STOX1: variants seen among roughly 807,000 people sequenced by gnomAD.
The protein encoded by STOX1 is storkhead box 1.
In STOX1, 57 loss-of-function variants were observed where a neutral mutation model predicts 74.8. That is an observed-to-expected ratio of 0.76 (90% confidence interval 0.62 to 0.95). The LOEUF (loss-of-function observed/expected upper bound fraction) is 0.95. Ranked by LOEUF, STOX1 falls within the 40% of genes least tolerant of loss-of-function variation. The pLI is 0.00. For missense variants in STOX1, 1,010 were observed against 1,117.0 expected (o/e 0.90, Z 1.37); for synonymous variants, 375 against 401.3 (o/e 0.93, Z 0.78).
intron 1 of STOX1, among the ~76,000 whole-genome samples, chr10:68,867,315 C>G (rs528169817): frequency 2.6e-5 from 4 of 152,106 alleles, no homozygotes; most frequent in African/African-American, 9.7e-5. Context: ...TTAAACTCTT[C>G]GAGTAATTTA....
chr10:68,845,704 C>T (rs998050858), intron 1 of STOX1, among the ~76,000 whole-genome samples: 1 of 151,872 alleles, frequency 6.6e-6, no homozygotes, highest in East Asian at 1.9e-4. Flanking sequence ...TGGGTTCAAG[C>T]GATTCTTCTG....
chr10:68,842,903 A>G (rs1227816801), intron 1 of STOX1, among the ~76,000 whole-genome samples: 1 of 151,948 alleles, frequency 6.6e-6, no homozygotes, highest in Non-Finnish European at 1.5e-5. Context: ...ATTCTTTGTA[A>G]ACCAAACGAG....
In STOX1 at chr10:68,882,202, C is replaced by T. The variant is rs541402455; in HGVS notation, c.463+92C>T. The T allele has an allele frequency of 1.8e-5, 22 of 1,233,158 alleles. No homozygotes were observed. The African/African-American group carries it at 2.9e-4, about 17-fold the overall frequency. The allele number at this position is 1,233,158 out of a possible 1,614,324, so 76.4% of individuals were successfully genotyped here. ...CTTAAGCACATAAACTGGGTGATAT[C>T]CTTTTTTCCCCTCTTCTATAGAACT... On this transcript the variant is annotated intron_variant, in intron 2 of 3. Coordinates refer to ENST00000298596, the MANE Select transcript of STOX1 (RefSeq NM_152709.5).
intron 1 of STOX1, among the ~76,000 whole-genome samples, chr10:68,860,753 C>T (rs1840247798): frequency 6.6e-6 from 1 of 151,866 alleles, no homozygotes; most frequent in Non-Finnish European, 1.5e-5. Flanking sequence ...CAAGGGATCA[C>T]AATAAAATAT....
At chr10:68,860,203 C>G (rs148579488) in intron 1 of STOX1, among the ~76,000 whole-genome samples, 4 of 149,918 alleles carry the variant, frequency 2.7e-5, no homozygotes, top group African/African-American at 7.4e-5. Context: ...AGGAGGCGGA[C>G]GTTGCAGTGA....
In STOX1 at chr10:68,882,136, T is replaced by C. The variant is rs199655278; in HGVS notation, c.463+26T>C. 1,040 of 1,602,394 alleles carry C rather than the reference T, an allele frequency of 6.5e-4. 2 individuals carry two copies. Among genetic ancestry groups the C allele is most frequent in the Non-Finnish European group, 6.6e-4 (769 of 1,169,502 alleles). ...GTAGAGTAATAAATTTTTGTCTATTTGTACTTCACTGTATGTGTTTGGTTT... is the reference window on the plus strand; with the variant it reads ...GTAGAGTAATAAATTTTTGTCTATTCGTACTTCACTGTATGTGTTTGGTTT... On this transcript the variant is annotated intron_variant, in intron 2 of 3. Transcript: ENST00000298596.
At chr10:68,859,730 G>A (rs140758845) in intron 1 of STOX1, among the ~76,000 whole-genome samples, 23 of 152,090 alleles carry the variant, frequency 1.5e-4, no homozygotes, top group Admixed American at 4.6e-4. Flanking sequence ...AAAATGACTT[G>A]AACAAATGAG....
At chr10:68,830,189 G>A (rs181419197) in intron 1 of STOX1, among the ~76,000 whole-genome samples, 1 of 152,200 alleles carries the variant, frequency 6.6e-6, no homozygotes, top group East Asian at 1.9e-4. Flanking sequence ...CTGCCCAGTG[G>A]GTAATGCTGC....
intron 1 of STOX1, among the ~76,000 whole-genome samples, chr10:68,852,926 CTT>C (rs113926996): frequency 3.5e-5 from 5 of 143,994 alleles, no homozygotes; most frequent in Non-Finnish European, 3.1e-5. Context: ...GGAAACACTT[CTT>C]TTTTTTTTTT....
At chr10:68,831,958 C>G (rs1412763729) in intron 1 of STOX1, among the ~76,000 whole-genome samples, 2 of 148,302 alleles carry the variant, frequency 1.3e-5, no homozygotes, top group Admixed American at 1.4e-4. Flanking sequence ...GGAGACAGGG[C>G]CTTGCTCTGA....
rs35174437 is a variant in STOX1, at chr10:68,888,802, A to ATTTTTTTTTTTTTTTT, written c.2822+2201_2822+2216dup. Among the ~76,000 whole-genome samples, 2 of 32,044 alleles carry ATTTTTTTTTTTTTTTT rather than the reference A, an allele frequency of 6.2e-5. 1 individual carries two copies. Among genetic ancestry groups the ATTTTTTTTTTTTTTTT allele is most frequent in the Admixed American group, 1.2e-3 (2 of 1,714 alleles). 21.0% of individuals were successfully genotyped at this position (32,044 alleles called of 152,430 possible). ...AGGCATATGTCACTATGCCCAGCTA[A>ATTTTTTTTTTTTTTTT]TTTTTTTTTTTTTTTTTTTTTTTTT... On this transcript the variant is annotated intron_variant, in intron 3 of 3. Coordinates refer to ENST00000298596, the MANE Select transcript of STOX1 (RefSeq NM_152709.5).
chr10:68,889,198 C>T (rs1406670116), intron 3 of STOX1, among the ~76,000 whole-genome samples: 1 of 152,224 alleles, frequency 6.6e-6, no homozygotes, highest in Non-Finnish European at 1.5e-5. Flanking sequence ...TCTCGAACTC[C>T]TGGGCTCAAG....
intron 1 of STOX1, among the ~76,000 whole-genome samples, chr10:68,853,160 G>A (rs564702143): frequency 6.6e-6 from 1 of 152,006 alleles, no homozygotes; most frequent in East Asian, 1.9e-4. Flanking sequence ...CCTGACCTCA[G>A]GTGATCCACC....
intron 1 of STOX1, among the ~76,000 whole-genome samples, chr10:68,870,878 A>G (rs185342691): frequency 6.6e-6 from 1 of 152,246 alleles, no homozygotes; most frequent in Non-Finnish European, 1.5e-5. Context: ...TTCTACCCCC[A>G]GAGTCTCCTG....
At chr10:68,843,765 G>A (rs1839755834) in intron 1 of STOX1, among the ~76,000 whole-genome samples, 1 of 152,074 alleles carries the variant, frequency 6.6e-6, no homozygotes, top group African/African-American at 2.4e-5. Flanking sequence ...CACCATGTTG[G>A]CCAAGCTTGT....
chr10:68,829,762 A>T (rs1361842311), intron 1 of STOX1, among the ~76,000 whole-genome samples: 1 of 152,006 alleles, frequency 6.6e-6, no homozygotes, highest in African/African-American at 2.4e-5. Flanking sequence ...CTCTTTGCAA[A>T]ACCACATATA....
intron 3 of STOX1, among the ~76,000 whole-genome samples, chr10:68,889,939 T>G (rs955175238): frequency 2.7e-5 from 4 of 149,666 alleles, no homozygotes; most frequent in Non-Finnish European, 5.9e-5. Flanking sequence ...CCAGCTATTT[T>G]GTGTGTGTGT....
At chr10:68,893,228 A>G (rs1010488606), downstream of STOX1, among the ~76,000 whole-genome samples, 3 of 152,352 alleles carry the variant, frequency 2.0e-5, no homozygotes, top group Admixed American at 6.5e-5. Context: ...GGTCTTTATC[A>G]TTACCAAGAA....
chr10:68,827,671 G>C lies in STOX1; in HGVS notation c.48G>C (p.Leu16=), dbSNP rs1256591722. ...CGCCGGGCTCGCTGGCGCTAGTGCT[G>C]TGCCGGCTGGAGGCGCAGAAGGCGG... ...QLAPGSLALV[L]CRLEAQKAAG... Residue 16 remains leucine (L), a synonymous_variant, in exon 1 of 4, where the codon CTG becomes CTC. Transcript: ENST00000298596. 3 of 1,130,612 alleles carry C rather than the reference G, an allele frequency of 2.7e-6. No homozygotes were observed. Among genetic ancestry groups the C allele is most frequent in the African/African-American group, 3.3e-5 (2 of 60,176 alleles). The allele number at this position is 1,130,612 out of a possible 1,614,324, so 70.0% of individuals were successfully genotyped here.
Sources: gnomAD v4.1 joint callset for allele counts (sites outside exome capture counted in the v4.1 genomes callset) on GRCh38, gnomAD v4.1.1 for gene constraint, MANE v1.5 for transcripts, NCBI Gene and HGNC (gene_info 2026-07-23, HGNC 2026-07-21) for gene names.